CTNND2: variants seen among roughly 807,000 people sequenced by gnomAD.
The protein encoded by CTNND2 is catenin delta-2.
In CTNND2, 22 loss-of-function variants were observed where a neutral mutation model predicts 144.4. The observed-to-expected ratio is 0.15, with a 90% CI of 0.11 to 0.22. The LOEUF (loss-of-function observed/expected upper bound fraction) is 0.22, where lower values mean the gene tolerates loss of function less well. Ranked by LOEUF, CTNND2 falls within the 10% of genes least tolerant of loss-of-function variation. The pLI is 1.00. For synonymous variants in CTNND2, 751 were observed against 695.6 expected, an observed-to-expected ratio of 1.08 and a Z score of -1.25; for missense variants, 1,353 against 1,618.8, an observed-to-expected ratio of 0.84 and a Z score of 2.82.
chr5:11,870,133 A>G (rs1795960061), intron 1 of CTNND2, among the ~76,000 whole-genome samples: 2 of 152,204 alleles, frequency 1.3e-5, no homozygotes, highest in South Asian at 4.1e-4. Context: ...TAGCACTGCG[A>G]TAGGGGTTGG....
chr5:11,674,569 T>C (rs1269920748), intron 2 of CTNND2, among the ~76,000 whole-genome samples: 1 of 152,246 alleles, frequency 6.6e-6, no homozygotes, highest in African/African-American at 2.4e-5. Context: ...GTCTTGGTAT[T>C]GTGCATTCTA....
chr5:11,344,208 C>CCTGGCTAACAA, intron 9 of CTNND2, among the ~76,000 whole-genome samples: 1 of 151,796 alleles, frequency 6.6e-6, no homozygotes, highest in African/African-American at 2.4e-5. Flanking sequence ...ATCGAGACCA[C>CCTGGCTAACAA]GGTGAAACCC....
chr5:11,270,479 A>C (rs1430563848), intron 9 of CTNND2, among the ~76,000 whole-genome samples: 1 of 152,148 alleles, frequency 6.6e-6, no homozygotes, highest in African/African-American at 2.4e-5. Flanking sequence ...GGTAAAAAAA[A>C]AAAAAAAATC....
At chr5:11,118,426 A>G (rs2149696070) in intron 12 of CTNND2, among the ~76,000 whole-genome samples, 1 of 152,370 alleles carries the variant, frequency 6.6e-6, no homozygotes, top group South Asian at 2.1e-4. Context: ...AAAGAATTTA[A>G]GGACCTTGGG....
Position 11,276,098 on chromosome 5 carries a change from A to G in CTNND2, c.1629-39275T>C, listed in dbSNP as rs1163711314. On this transcript the variant is annotated intron_variant, in intron 9 of 21. Coordinates refer to ENST00000304623, the MANE Select transcript of CTNND2 (RefSeq NM_001332.4). ...AAAACAAATAAATCATACATCTCAA[A>G]TTACAAAACTATAGTTTTTGTAGAC... Among the ~76,000 whole-genome samples, 3 of 152,252 alleles carry G rather than the reference A, an allele frequency of 2.0e-5. No individual in the cohort carries two copies. In the East Asian group the frequency reaches 5.8e-4, roughly 29 times the overall value.
intron 3 of CTNND2, among the ~76,000 whole-genome samples, chr5:11,448,011 T>C (rs31963): frequency 0.041 from 6,166 of 152,214 alleles, 418 homozygotes; most frequent in African/African-American, 0.14. Context: ...AACTGGCCCC[T>C]AAATCAAGCC....
intron 2 of CTNND2, among the ~76,000 whole-genome samples, chr5:11,593,526 C>A (rs565255287): frequency 6.6e-6 from 1 of 152,302 alleles, no homozygotes; most frequent in East Asian, 1.9e-4. Context: ...TCCCAGGTGT[C>A]ATGGGAGGGA....
chr5:11,122,203 G>A (rs182691604), intron 12 of CTNND2, among the ~76,000 whole-genome samples: 1 of 150,206 alleles, frequency 6.7e-6, no homozygotes, highest in Admixed American at 6.7e-5. Flanking sequence ...TGTACCTTGT[G>A]TTACAAGCCT....
intron 2 of CTNND2, among the ~76,000 whole-genome samples, chr5:11,633,218 A>G (rs989304038): frequency 6.6e-6 from 1 of 152,230 alleles, no homozygotes; most frequent in African/African-American, 2.4e-5. Context: ...TTGAAAGTGA[A>G]AGACAATGAA....
At chr5:11,885,517 T>A (rs1736454228) in intron 1 of CTNND2, among the ~76,000 whole-genome samples, 1 of 152,174 alleles carries the variant, frequency 6.6e-6, no homozygotes, top group African/African-American at 2.4e-5. Flanking sequence ...TAAATATATA[T>A]GCACTCAACA....
At chr5:11,410,606 C>T (rs1469099) in intron 5 of CTNND2, among the ~76,000 whole-genome samples, 29,382 of 151,872 alleles carry the variant, frequency 0.19, 6,029 homozygotes, top group African/African-American at 0.52. Flanking sequence ...TAAAGGAGGT[C>T]CATTTCAACT....
chr5:11,514,342 T>TA (rs1218425449), intron 3 of CTNND2, among the ~76,000 whole-genome samples: 10 of 152,188 alleles, frequency 6.6e-5, no homozygotes, highest in Non-Finnish European at 1.2e-4. Flanking sequence ...AATCCAGGTT[T>TA]AAAAAAATAA....
Position 10,988,048 on chromosome 5 carries a change from A to C in CTNND2, c.3343+63T>G. 6.2e-7 allele frequency: 1 copy of C among 1,605,812 alleles called. No homozygotes were observed. The highest frequency in any genetic ancestry group is 8.5e-7 in the Non-Finnish European group (1 of 1,175,740). ...AGCCCCGTGAAGCCTGATGTCCCAT[A>C]TCTCTGCCTTGTCGCGGGTCAAGCC... On this transcript the variant is annotated intron_variant, in intron 20 of 21. Transcript: ENST00000304623. The surrounding 1 kb of genome is among the most constrained non-coding windows in gnomAD (Gnocchi z 5.9).
intron 2 of CTNND2, among the ~76,000 whole-genome samples, chr5:11,647,520 G>A (rs1316133714): frequency 1.3e-5 from 2 of 151,744 alleles, no homozygotes; most frequent in East Asian, 3.9e-4. Context: ...TGCTGATAGT[G>A]CCCCCCGCAA....
intron 10 of CTNND2, among the ~76,000 whole-genome samples, chr5:11,231,304 G>A (rs545862612): frequency 5.3e-5 from 8 of 152,246 alleles, no homozygotes; most frequent in African/African-American, 1.4e-4. Flanking sequence ...ACATGGAAGC[G>A]TCTTTGAAAC....
intron 9 of CTNND2, among the ~76,000 whole-genome samples, chr5:11,261,027 C>T (rs1744805646): frequency 6.6e-6 from 1 of 152,052 alleles, no homozygotes; most frequent in Non-Finnish European, 1.5e-5. Context: ...TGGCTCGGTG[C>T]ATGCAGGTTG....
chr5:11,260,511 T>A (rs767627857), intron 9 of CTNND2, among the ~76,000 whole-genome samples: 4 of 152,126 alleles, frequency 2.6e-5, no homozygotes, highest in African/African-American at 9.7e-5. Context: ...AAGAGGACAA[T>A]CAATGTCCTA....
At chr5:11,249,967 G>A (rs1743392083) in intron 9 of CTNND2, among the ~76,000 whole-genome samples, 1 of 152,102 alleles carries the variant, frequency 6.6e-6, no homozygotes, top group South Asian at 2.1e-4. Context: ...ATAAAGGGCT[G>A]CAGTGTCCAA....
At chr5:11,183,944 C>CT (rs1735369886) in intron 11 of CTNND2, among the ~76,000 whole-genome samples, 1 of 152,104 alleles carries the variant, frequency 6.6e-6, no homozygotes, top group Non-Finnish European at 1.5e-5. Flanking sequence ...AAACTCTTTT[C>CT]TTTCATTACC....
Sources: allele counts gnomAD v4.1 joint callset (sites outside exome capture counted in the v4.1 genomes callset), GRCh38; gene constraint gnomAD v4.1.1; non-coding constraint Gnocchi (gnomAD v3.1); transcripts MANE v1.5; gene names NCBI Gene and HGNC (gene_info 2026-07-23, HGNC 2026-07-21).